CHM: variants seen among roughly 807,000 people sequenced by gnomAD.
The protein encoded by CHM is rab proteins geranylgeranyltransferase component A 1.
CHM carries 10 observed loss-of-function variants against 49.0 expected under a neutral mutation model. The ratio of observed to expected loss-of-function variants is 0.20; its 90% CI spans 0.13 to 0.35. The LOEUF is 0.35. Among genes scored for constraint, CHM ranks in the 10% least tolerant of loss-of-function variants. CHM has a pLI of 1.00. For synonymous variants in CHM, 184 were observed against 167.5 expected (o/e 1.10, Z -0.76); for missense variants, 455 against 478.4 (o/e 0.95, Z 0.46).
At chrX:85,969,039 G>A in intron 4 of CHM, 1 of 624,343 alleles carries the variant, frequency 1.6e-6, no homozygotes, top group Non-Finnish European at 1.9e-6. Flanking sequence ...CCTGTTGCTT[G>A]TATAATTTTT....
At chrX:86,047,346 C>T (rs1004501968) in intron 1 of CHM, 138 bp downstream of exon 1, 9 of 575,085 alleles carry the variant, frequency 1.6e-5, no homozygotes, top group Non-Finnish European at 2.7e-5. Context: ...GCGCTGACTC[C>T]GGACTACCTC....
chrX:85,964,002 T>C lies in CHM; in HGVS notation c.365A>G (p.His122Arg), dbSNP rs765999807. 9.1e-6 allele frequency: 11 copies of C among 1,206,926 alleles called. No homozygotes were observed. The East Asian group carries it at 2.4e-4, about 26-fold the overall frequency. Reference protein sequence around the residue: ...VEEAGALQKNHALVTSANSTE... With the variant: ...VEEAGALQKNRALVTSANSTE... ...GGAGTTTGCAGATGTCACAAGAGCA[T>C]GATTTTTCTGCAGTGCACCAGCTTC... is the stretch of plus-strand genomic sequence containing the variant. Residue 122 changes from histidine to arginine, a missense_variant, in exon 5 of 15, where the codon CAT becomes CGT. His to Arg is a conservative substitution (Grantham distance 29). Coordinates refer to ENST00000357749, the MANE Select transcript of CHM (RefSeq NM_000390.4).
At chrX:86,036,800 C>T (rs1934263318) in intron 1 of CHM, among the ~76,000 whole-genome samples, 1 of 111,501 alleles carries the variant, frequency 9.0e-6, no homozygotes, top group African/African-American at 3.3e-5. Flanking sequence ...CCCTAGACCC[C>T]TTAGGTAGGA....
chrX:85,866,176 T>C (rs1338432439), intron 14 of CHM, among the ~76,000 whole-genome samples: 2 of 112,051 alleles, frequency 1.8e-5, no homozygotes, highest in African/African-American at 6.5e-5. Flanking sequence ...GGAAAAATGG[T>C]TTAGTGGGCT....
intron 11 of CHM, 143 bp downstream of exon 11, chrX:85,900,503 A>G: frequency 2.1e-6 from 1 of 472,640 alleles, no homozygotes; most frequent in Non-Finnish European, 3.8e-6. Flanking sequence ...GTAGATCTTA[A>G]GTGTTCTCAC....
At chrX:85,913,010 C>G (rs1442825113) in intron 8 of CHM, among the ~76,000 whole-genome samples, 2 of 63,157 alleles carry the variant, frequency 3.2e-5, no homozygotes, top group African/African-American at 6.6e-5. Context: ...GAGACTCCAT[C>G]TCAGAAAAAA....
At chrX:86,030,713 C>G (rs759517499) in intron 1 of CHM, among the ~76,000 whole-genome samples, 8 of 110,719 alleles carry the variant, frequency 7.2e-5, no homozygotes, top group African/African-American at 2.3e-4. Flanking sequence ...CTCCAAAGAA[C>G]AGGAGAAATT....
intron 9 of CHM, 122 bp downstream of exon 9, chrX:85,911,139 A>ACATATATATATATATATATATATG (rs1926916487): frequency 2.1e-4 from 1 of 4,789 alleles, no homozygotes; most frequent in East Asian, 0.013. Flanking sequence ...GTATATATAT[A>ACATATATATATATATATATATATG]TATATATATA....
At chrX:86,020,285 C>T (rs981391593) in intron 2 of CHM, among the ~76,000 whole-genome samples, 5 of 111,029 alleles carry the variant, frequency 4.5e-5, no homozygotes, top group African/African-American at 1.6e-4. Flanking sequence ...CATAATTAGT[C>T]ACGCCTTTAA....
At chrX:85,980,590 C>G (rs1192350627) in intron 3 of CHM, among the ~76,000 whole-genome samples, 1 of 112,178 alleles carries the variant, frequency 8.9e-6, no homozygotes, top group Non-Finnish European at 1.9e-5. Context: ...TCTTAGCTAA[C>G]TGAATACAAT....
chrX:85,882,227 C>T (rs1172045370), intron 12 of CHM, among the ~76,000 whole-genome samples: 1 of 111,929 alleles, frequency 8.9e-6, no homozygotes, highest in East Asian at 2.8e-4. Context: ...GTAGAACATG[C>T]TATCACATTT....
intron 8 of CHM, among the ~76,000 whole-genome samples, chrX:85,949,115 T>G (rs5968733): frequency 0.23 from 25,348 of 110,582 alleles, 2,223 homozygotes; most frequent in Middle Eastern, 0.26. Flanking sequence ...GCTCTGCAGA[T>G]AATAAAAATA....
chrX:85,930,172 C>T (rs1018501205), intron 8 of CHM, among the ~76,000 whole-genome samples: 1 of 111,666 alleles, frequency 9.0e-6, no homozygotes, highest in African/African-American at 3.3e-5. Context: ...ACCTAACATG[C>T]CTTAAAGTGT....
chrX:85,940,016 G>A (rs1432328411), intron 8 of CHM, among the ~76,000 whole-genome samples: 1 of 111,914 alleles, frequency 8.9e-6, no homozygotes, highest in Non-Finnish European at 1.9e-5. Context: ...AGTTTTAACT[G>A]TCTCACAGTT....
intron 14 of CHM, among the ~76,000 whole-genome samples, chrX:85,871,304 C>CAAAAAAAAAAAA (rs150005971): frequency 6.4e-5 from 4 of 62,065 alleles, no homozygotes; most frequent in East Asian, 5.6e-4. Context: ...AAGACTGTCT[C>CAAAAAAAAAAAA]AAAAAAAAAA....
intron 11 of CHM, among the ~76,000 whole-genome samples, chrX:85,897,820 A>T (rs1926003069): frequency 9.0e-6 from 1 of 111,166 alleles, no homozygotes; most frequent in African/African-American, 3.3e-5. Flanking sequence ...GCCATCAGTG[A>T]TCCAGATGAA....
intron 2 of CHM, among the ~76,000 whole-genome samples, chrX:85,987,323 G>C (rs747777269): frequency 9.0e-6 from 1 of 111,396 alleles, no homozygotes; most frequent in African/African-American, 3.3e-5. Context: ...ACCCCTGCAA[G>C]ATTCTACACA....
intron 2 of CHM, among the ~76,000 whole-genome samples, chrX:86,015,565 G>A (rs146394951): frequency 9.0e-6 from 1 of 111,610 alleles, no homozygotes. Flanking sequence ...AAAAAGACAG[G>A]AAAATGTGGG....
At position 86,028,575 on chromosome X, in the gene CHM, T is replaced by A. The variant is rs1933931211; in HGVS notation, c.50-1018A>T. 4.5e-5 allele frequency among the ~76,000 whole-genome samples: 5 copies of A among 111,864 alleles called. No homozygotes were observed. In the South Asian group the frequency reaches 1.9e-3, roughly 42 times the overall value. The stretch of plus-strand genomic sequence containing the variant: ...TCATAAAAAGACATATATATATTAT[T>A]TCTACCAGCACCAACCAAAAATTAA... On this transcript the variant is annotated intron_variant, in intron 1 of 14. Transcript: ENST00000357749.
Sources: gnomAD v4.1 joint callset for allele counts (sites outside exome capture counted in the v4.1 genomes callset) on GRCh38, gnomAD v4.1.1 for gene constraint, MANE v1.5 for transcripts, NCBI Gene and HGNC (gene_info 2026-07-23, HGNC 2026-07-21) for gene names.